XRRA1: variants seen among roughly 807,000 people sequenced by gnomAD.
XRRA1 encodes the protein X-ray radiation resistance-associated protein 1.
Under a neutral mutation model 80.2 loss-of-function variants are expected in XRRA1, and 69 were observed. That is an observed-to-expected ratio of 0.86 (90% CI 0.71 to 1.05). The LOEUF (loss-of-function observed/expected upper bound fraction) is 1.05. Among genes scored for constraint, XRRA1 ranks in the 50% least tolerant of loss-of-function variants. The pLI is 0.00. For synonymous variants in XRRA1, 348 were observed against 389.9 expected (o/e 0.89, Z 1.27); for missense variants, 967 against 976.4 (o/e 0.99, Z 0.13).
intron 8 of XRRA1, chr11:74,911,378 AC>A (rs539726453): frequency 6.6e-5 from 10 of 152,104 alleles, no homozygotes; most frequent in Non-Finnish European, 1.2e-4. Flanking sequence ...TGCCTGGCCA[AC>A]CCACAGCTTT....
intron 8 of XRRA1, among the ~76,000 whole-genome samples, chr11:74,916,594 T>C (rs1051529500): frequency 6.6e-6 from 1 of 152,198 alleles, no homozygotes; most frequent in African/African-American, 2.4e-5. Flanking sequence ...CATTAGTTCT[T>C]TGAAAACCTT....
At chr11:74,844,072 A>G (rs997110368) in intron 17 of XRRA1, 96 bp downstream of exon 17, 5 of 1,462,192 alleles carry the variant, frequency 3.4e-6, no homozygotes, top group Non-Finnish European at 4.8e-6. Context: ...GTGCTGGGAA[A>G]GCATGGCCCT....
intron 9 of XRRA1, chr11:74,906,735 A>C: frequency 2.1e-6 from 1 of 468,932 alleles, no homozygotes; most frequent in Non-Finnish European, 3.7e-6. Context: ...TTGAAACCAA[A>C]GTAAATTTTC....
At chr11:74,943,675 CT>C (rs532543328) in intron 2 of XRRA1, among the ~76,000 whole-genome samples, 1 of 151,848 alleles carries the variant, frequency 6.6e-6, no homozygotes, top group African/African-American at 2.4e-5. Flanking sequence ...CAGAGCTTCA[CT>C]TTTTTTTCAA....
chr11:74,867,638 T>G (rs1274524860), intron 10 of XRRA1, among the ~76,000 whole-genome samples: 3 of 152,078 alleles, frequency 2.0e-5, no homozygotes, highest in South Asian at 4.1e-4. Flanking sequence ...AGCAAGCAAT[T>G]TGGAAAACAC....
intron 1 of XRRA1, among the ~76,000 whole-genome samples, chr11:74,947,416 C>T (rs777510797): frequency 5.3e-5 from 8 of 152,054 alleles, no homozygotes; most frequent in Non-Finnish European, 8.8e-5. Context: ...GTCCCAGCTA[C>T]AAAGACTACA....
chr11:74,859,089 GC>G, intron 12 of XRRA1, 68 bp downstream of exon 12: 1 of 1,490,718 alleles, frequency 6.7e-7, no homozygotes, highest in Non-Finnish European at 8.9e-7. Context: ...TGGTTTTTAG[GC>G]CAGAGCAACT....
Position 74,937,063 on chromosome 11 carries a change from C to T in XRRA1, c.100G>A (p.Gly34Arg), listed in dbSNP as rs1390684528. Residue 34 changes from glycine to arginine, a missense_variant, in exon 4 of 19, where the codon GGA becomes AGA. By Grantham distance (125) the Gly-to-Arg change is moderately radical. Coordinates refer to ENST00000684022, the MANE Select transcript of XRRA1 (RefSeq NM_001378157.1). ...NLLRVPEEGQ[G>R]HWLVVQKGNL... ...CCTTTCTGAACCACTAACCAGTGTC[C>T]TTGGCCTGTTGAGAAAATTAGAACA... 6.2e-7 allele frequency: 1 copy of T among 1,612,668 alleles called. No individual in the cohort carries two copies. Among genetic ancestry groups the T allele is most frequent in the Non-Finnish European group, 8.5e-7 (1 of 1,179,324 alleles).
chr11:74,896,603 C>T (rs2052377607), intron 10 of XRRA1, among the ~76,000 whole-genome samples: 1 of 152,130 alleles, frequency 6.6e-6, no homozygotes, highest in Admixed American at 6.5e-5. Flanking sequence ...AACTTGCCAA[C>T]CTGAAGGGAA....
intron 14 of XRRA1, among the ~76,000 whole-genome samples, chr11:74,850,303 G>C (rs760892225): frequency 6.6e-6 from 1 of 152,186 alleles, no homozygotes; most frequent in Non-Finnish European, 1.5e-5. Flanking sequence ...CTCCCTGGCT[G>C]GCTGATGGGA....
intron 1 of XRRA1, among the ~76,000 whole-genome samples, chr11:74,948,366 T>C (rs1028232500): frequency 6.7e-6 from 1 of 148,930 alleles, no homozygotes. Flanking sequence ...TAGAGCATGG[T>C]ATAATACAAT....
chr11:74,905,413 C>T (rs2054368807), intron 10 of XRRA1, among the ~76,000 whole-genome samples: 1 of 152,136 alleles, frequency 6.6e-6, no homozygotes, highest in Non-Finnish European at 1.5e-5. Context: ...CTTTAGAATG[C>T]TGGAGCTGAG....
At chr11:74,913,566 CTCTT>C (rs1382776162) in intron 8 of XRRA1, 3 of 152,218 alleles carry the variant, frequency 2.0e-5, no homozygotes, top group Admixed American at 6.5e-5. Flanking sequence ...TTCTTTCTCT[CTCTT>C]TATCAATTAA....
intron 10 of XRRA1, among the ~76,000 whole-genome samples, chr11:74,894,348 T>C (rs2051649237): frequency 6.6e-6 from 1 of 152,120 alleles, no homozygotes. Flanking sequence ...AATCTGTACA[T>C]CAAACCCCCC....
chr11:74,871,221 T>A (rs1267850280), intron 10 of XRRA1, among the ~76,000 whole-genome samples: 1 of 152,182 alleles, frequency 6.6e-6, no homozygotes, highest in Non-Finnish European at 1.5e-5. Flanking sequence ...CTTCTCTAGA[T>A]CCATGCCTGA....
At chr11:74,871,607 G>A (rs2044787802) in intron 10 of XRRA1, among the ~76,000 whole-genome samples, 1 of 152,150 alleles carries the variant, frequency 6.6e-6, no homozygotes, top group African/African-American at 2.4e-5. Context: ...GCTATTGAGT[G>A]TCCCGGCTCT....
intron 10 of XRRA1, among the ~76,000 whole-genome samples, chr11:74,872,450 GAGAA>G (rs1407610225): frequency 6.6e-6 from 1 of 152,190 alleles, no homozygotes; most frequent in Non-Finnish European, 1.5e-5. Context: ...GGCGGCCCTG[GAGAA>G]AGAGAGGAAA....
chr11:74,844,988 TG>T (rs1436783166), intron 16 of XRRA1, 84 bp downstream of exon 16: 1 of 1,399,948 alleles, frequency 7.1e-7, no homozygotes, highest in Non-Finnish European at 9.9e-7. Flanking sequence ...AAAGACAGCT[TG>T]GTGCCAGCCT....
In XRRA1 at chr11:74,921,215, G is replaced by C. The variant is rs777648547; in HGVS notation, c.655C>G (p.Gln219Glu). The C allele has an allele frequency of 5.0e-6, 8 of 1,613,768 alleles. No homozygotes were observed. In the Admixed American group the frequency reaches 1.0e-4, roughly 20 times the overall value. Reference sequence around the variant, plus strand: ...TGGACTCCAGGAGGTAGAACTTACTGTTCTGCGACGGCCAAATTGGGCGGC... The same window carrying C: ...TGGACTCCAGGAGGTAGAACTTACTCTTCTGCGACGGCCAAATTGGGCGGC... ...SLPPNLAVAEQEASVTSLTSK... is the reference protein window; with the variant it reads ...SLPPNLAVAEEEASVTSLTSK... The change falls in exon 8 of 19, where the codon CAG becomes GAG. Residue 219 changes from glutamine to glutamate, a missense_variant and splice_region_variant. Physicochemically the swap from Gln to Glu is conservative, Grantham distance 29 (BLOSUM62 2). Transcript: ENST00000684022.
Sources: allele counts gnomAD v4.1 joint callset (sites outside exome capture counted in the v4.1 genomes callset), GRCh38; gene constraint gnomAD v4.1.1; transcripts MANE v1.5; gene names NCBI Gene and HGNC (gene_info 2026-07-23, HGNC 2026-07-21).